The following NLGN3 variants were observed in gnomAD, a reference collection of about 807,000 sequenced individuals.
NLGN3 encodes the protein neuroligin-3.
A neutral mutation model predicts 42.9 loss-of-function variants in NLGN3; 11 were observed. That is an observed-to-expected ratio of 0.26 (90% CI 0.16 to 0.42). The LOEUF (loss-of-function observed/expected upper bound fraction) is 0.42, where lower values mean the gene tolerates loss of function less well. Ranked by LOEUF, NLGN3 falls within the 10% of genes least tolerant of loss-of-function variation. The probability of loss-of-function intolerance (pLI) is 1.00; values close to 1 mark genes in which losing one functional copy is unlikely to be tolerated. For synonymous variants in NLGN3, 279 were observed against 312.7 expected (o/e 0.89, Z 1.14); for missense variants, 374 against 733.8 (o/e 0.51, Z 5.67).
intron 6 of NLGN3, among the ~76,000 whole-genome samples, chrX:71,165,771 C>T (rs1413884720): frequency 1.8e-5 from 2 of 111,259 alleles, no homozygotes; most frequent in African/African-American, 3.3e-5. Context: ...TGAGCTCAAG[C>T]GATCTGCCTA....
rs1200049909 is a variant in NLGN3 at position 71,170,180 on chromosome X, C to T, written c.*83C>T. On this transcript the variant is annotated 3_prime_UTR_variant, in exon 8 of 8. Transcript: ENST00000358741. ...ATGCACACACACACACACACACACG[C>T]AGACACACACACACACACACATATA... 2 of 1,175,951 alleles carry T rather than the reference C, an allele frequency of 1.7e-6. No individual in the cohort carries two copies. The highest frequency in any genetic ancestry group is 2.3e-6 in the Non-Finnish European group (2 of 880,870).
chrX:71,173,441 T>C (rs1405890166), downstream of NLGN3, among the ~76,000 whole-genome samples: 1 of 112,126 alleles, frequency 8.9e-6, no homozygotes, highest in African/African-American at 3.2e-5. Context: ...CTCAGCCCTG[T>C]TGCTGATGGC....
At chrX:71,161,222 CT>C (rs1480519251) in intron 5 of NLGN3, among the ~76,000 whole-genome samples, 1 of 106,305 alleles carries the variant, frequency 9.4e-6, no homozygotes, top group Non-Finnish European at 1.9e-5. Flanking sequence ...TCAAGTGATT[CT>C]CCTGCCTCAG....
chrX:71,166,498 G>A (rs947467029), intron 6 of NLGN3, among the ~76,000 whole-genome samples: 38 of 110,923 alleles, frequency 3.4e-4, no homozygotes, highest in African/African-American at 1.2e-3. Context: ...GACCACAGAC[G>A]GGGAGCACAG....
At position 71,170,499 on chromosome X, in the gene NLGN3, T is replaced by C. The variant is rs901281134; in HGVS notation, c.*402T>C. 3.5e-6 allele frequency: 3 copies of C among 857,147 alleles called. No homozygotes were observed. In the African/African-American group the frequency reaches 6.4e-5, roughly 18 times the overall value. The allele number at this position is 857,147 out of a possible 1,213,427, so 70.6% of individuals were successfully genotyped here. ...ACTGCACCACCGACCAACTCCAGAC[T>C]TGGGAGCTTTAAAGAGCAGGATAGC... On this transcript the variant is annotated 3_prime_UTR_variant, in exon 8 of 8. Transcript: ENST00000358741.
At chrX:71,164,452 G>C (rs1331612545) in intron 6 of NLGN3, 124 bp downstream of exon 6, 1 of 656,806 alleles carries the variant, frequency 1.5e-6, no homozygotes, top group African/African-American at 2.2e-5. Context: ...GTATCCCTTT[G>C]GCAAGAAGTG....
chrX:71,149,663 C>T (rs1346969700), intron 3 of NLGN3, among the ~76,000 whole-genome samples: 2 of 111,731 alleles, frequency 1.8e-5, no homozygotes, highest in Non-Finnish European at 3.8e-5. Context: ...CCCAATTTTA[C>T]AGATGAGGAA....
At chrX:71,159,644 G>T (rs1238628165) in intron 5 of NLGN3, among the ~76,000 whole-genome samples, 1 of 111,195 alleles carries the variant, frequency 9.0e-6, no homozygotes, top group Non-Finnish European at 1.9e-5. Context: ...TGGATGCCGG[G>T]TACATATAAG....
In NLGN3 at chrX:71,147,536, C is replaced by T; in HGVS notation, c.-200-14C>T. ...AGACCATCTTGGATGACGCATACTT[C>T]CCTCTTTCCACAGGCCTGTCTGGCC... On this transcript the variant is annotated splice_polypyrimidine_tract_variant and intron_variant, in intron 1 of 7. Transcript: ENST00000358741. The T allele has an allele frequency of 2.2e-6, 1 of 449,866 alleles. No homozygotes were observed. The highest frequency in any genetic ancestry group is 3.9e-6 in the Non-Finnish European group (1 of 256,398). The allele number at this position is 449,866 out of a possible 1,213,427, so 37.1% of individuals were successfully genotyped here. A position where few individuals can be genotyped will look rare whatever the true frequency, so the allele number is the denominator to read the frequency against.
At chrX:71,163,424 T>C (rs1051592672) in intron 5 of NLGN3, among the ~76,000 whole-genome samples, 2 of 111,370 alleles carry the variant, frequency 1.8e-5, no homozygotes, top group African/African-American at 6.5e-5. Flanking sequence ...AATGAGGACC[T>C]GCCCTGAAAA....
intron 5 of NLGN3, among the ~76,000 whole-genome samples, chrX:71,156,138 A>G (rs2092408073): frequency 9.1e-6 from 1 of 109,562 alleles, no homozygotes; most frequent in East Asian, 2.9e-4. Context: ...GCCCACACAA[A>G]AACCTACACC....
At chrX:71,157,313 T>TATTC (rs1296245523) in intron 5 of NLGN3, among the ~76,000 whole-genome samples, 2 of 105,490 alleles carry the variant, frequency 1.9e-5, no homozygotes, top group Non-Finnish European at 4.0e-5. Context: ...TTTATTTATT[T>TATTC]ATTTATTTAT....
rs2092397334 is a variant in NLGN3, at chrX:71,153,332, C to T, written c.518-145C>T. On this transcript the variant is annotated intron_variant, in intron 3 of 7. Coordinates refer to ENST00000358741, the MANE Select transcript of NLGN3 (RefSeq NM_181303.2). Reference sequence around the variant, plus strand: ...CTGGGCCTCAGCCCACCCATTCCCTCAGTTCTTGCCATCCCTCCTGCCTGT... The same window carrying T: ...CTGGGCCTCAGCCCACCCATTCCCTTAGTTCTTGCCATCCCTCCTGCCTGT... The T allele has an allele frequency of 5.2e-6, 3 of 580,445 alleles. No homozygotes were observed. In the Admixed American group the frequency reaches 7.9e-5, roughly 15 times the overall value. 47.8% of individuals were successfully genotyped at this position (580,445 alleles called of 1,213,427 possible).
At position 71,169,961 on chromosome X, in the gene NLGN3, C is replaced by T; in HGVS notation, c.2411C>T (p.Pro804Leu). ...LTLRRSPDDI[P>L]LMTPNTITMI... Reference sequence around the variant, plus strand: ...CTGCGGCGCTCCCCGGATGACATCCCACTCATGACCCCCAACACCATCACT... The same window carrying T: ...CTGCGGCGCTCCCCGGATGACATCCTACTCATGACCCCCAACACCATCACT... Residue 804 changes from proline to leucine, a missense_variant, in exon 8 of 8, where the codon CCA becomes CTA. This residue lies in a region of NLGN3 where 92 missense variants were observed against 108.0 expected (regional missense o/e 0.85). Coordinates refer to ENST00000358741, the MANE Select transcript of NLGN3 (RefSeq NM_181303.2). The T allele has an allele frequency of 8.3e-7, 1 of 1,207,941 alleles. No individual in the cohort carries two copies.
At chrX:71,154,582 T>A (rs1311974234) in intron 4 of NLGN3, among the ~76,000 whole-genome samples, 1 of 112,237 alleles carries the variant, frequency 8.9e-6, no homozygotes, top group Non-Finnish European at 1.9e-5. Context: ...TCTGGTTAAG[T>A]CTGCCCAGGG....
chrX:71,164,361 C>T, intron 6 of NLGN3, 33 bp downstream of exon 6: 1 of 1,188,958 alleles, frequency 8.4e-7, no homozygotes, highest in Non-Finnish European at 1.1e-6. Context: ...CATGAACTAG[C>T]CAAGTGCCGG....
At chrX:71,153,221 G>C (rs12011754) in intron 3 of NLGN3, among the ~76,000 whole-genome samples, 2,719 of 112,590 alleles carry the variant, frequency 0.024, 77 homozygotes, top group African/African-American at 0.082. Flanking sequence ...GGTTGAGATG[G>C]GCTGTTGGGG....
chrX:71,146,151 T>TCACACACACA (rs1400594479), intron 1 of NLGN3, among the ~76,000 whole-genome samples: 1 of 31,058 alleles, frequency 3.2e-5, no homozygotes, highest in African/African-American at 1.8e-4. Context: ...TCTCTCTCTC[T>TCACACACACA]CTCACACACA....
At chrX:71,155,392 G>A (rs1441969558) in intron 5 of NLGN3, 29 bp downstream of exon 5, 8 of 1,206,831 alleles carry the variant, frequency 6.6e-6, no homozygotes, top group East Asian at 3.0e-5. Flanking sequence ...TGCCTGGAAG[G>A]AAGACTGGCT....
Sources: allele counts gnomAD v4.1 joint callset (sites outside exome capture counted in the v4.1 genomes callset), GRCh38; gene constraint gnomAD v4.1.1; regional missense constraint gnomAD v4.1.1; transcripts MANE v1.5; gene names NCBI Gene and HGNC (gene_info 2026-07-23, HGNC 2026-07-21).